The following CDH4 variants were observed in gnomAD, a reference collection of about 807,000 sequenced individuals.
CDH4 encodes the protein cadherin 4.
Under a neutral mutation model 86.0 loss-of-function variants are expected in CDH4, and 33 were observed. The ratio of observed to expected loss-of-function variants is 0.38; its 90% CI spans 0.29 to 0.51. The LOEUF is 0.51. CDH4 is among the 20% of genes least tolerant of loss of function. The probability of loss-of-function intolerance (pLI) is 0.86; values close to 1 mark genes in which losing one functional copy is unlikely to be tolerated. For synonymous variants in CDH4, 555 were observed against 549.4 expected, an observed-to-expected ratio of 1.01 and a Z score of -0.14; for missense variants, 1,114 against 1,307.4, an observed-to-expected ratio of 0.85 and a Z score of 2.28.
chr20:61,381,725 A>C lies in CDH4; in HGVS notation c.169+126788A>C, dbSNP rs1328467831. ...TCCCACCCCAATTTGGCCTTTGCATAATCTACTACCAGAGAAACACTTTGA... is the reference window on the plus strand; with the variant it reads ...TCCCACCCCAATTTGGCCTTTGCATCATCTACTACCAGAGAAACACTTTGA... On this transcript the variant is annotated intron_variant, in intron 2 of 15. Transcript: ENST00000614565. Among the ~76,000 whole-genome samples, 6 of 152,008 alleles carry C rather than the reference A, an allele frequency of 3.9e-5. No individual in the cohort carries two copies. The East Asian group carries it at 1.2e-3, about 29-fold the overall frequency.
intron 4 of CDH4, among the ~76,000 whole-genome samples, chr20:61,820,140 T>C (rs1206305496): frequency 6.6e-6 from 1 of 152,096 alleles, no homozygotes; most frequent in African/African-American, 2.4e-5. Flanking sequence ...CCCAAACCGG[T>C]TTTGCCCAGA....
chr20:61,444,644 C>T (rs556805092), intron 2 of CDH4, among the ~76,000 whole-genome samples: 62 of 74,338 alleles, frequency 8.3e-4, no homozygotes, highest in Non-Finnish European at 1.4e-3. Flanking sequence ...TGTGTTTCTG[C>T]GTGTGTGTTT....
chr20:61,570,353 C>T (rs2086332406), intron 2 of CDH4: 2 of 305,948 alleles, frequency 6.5e-6, no homozygotes, highest in Non-Finnish European at 1.2e-5. Flanking sequence ...AAGCCACTTC[C>T]CAGGCCAGAC....
At position 61,680,778 on chromosome 20, in the gene CDH4, C is replaced by T. The variant is rs1036801786; in HGVS notation, c.170-62785C>T. Reference sequence around the variant, plus strand: ...TCCGTCTCCCCGGGATGCAGGACCTCGGACAGCCTCAGCCAGTGCCCTGGA... The same window carrying T: ...TCCGTCTCCCCGGGATGCAGGACCTTGGACAGCCTCAGCCAGTGCCCTGGA... On this transcript the variant is annotated intron_variant, in intron 2 of 15. Coordinates refer to ENST00000614565, the MANE Select transcript of CDH4 (RefSeq NM_001794.5). 1.1e-4 allele frequency among the ~76,000 whole-genome samples: 16 copies of T among 152,170 alleles called. No homozygotes were observed. In the East Asian group the frequency reaches 2.5e-3, roughly 24 times the overall value.
At chr20:61,319,667 T>G (rs966664224) in intron 2 of CDH4, among the ~76,000 whole-genome samples, 3 of 151,998 alleles carry the variant, frequency 2.0e-5, no homozygotes, top group African/African-American at 7.3e-5. Context: ...AAGTTCTGGC[T>G]GGGCACAGTG....
At position 61,510,956 on chromosome 20, in the gene CDH4, A is replaced by C. The variant is rs1399386897; in HGVS notation, c.170-232607A>C. The stretch of plus-strand genomic sequence containing the variant: ...GAAAGCAGGAGTGAGAGAGAGAGAG[A>C]AAGTTGGGGGCGGCTGTCTCACACT... On this transcript the variant is annotated intron_variant, in intron 2 of 15. Coordinates refer to ENST00000614565, the MANE Select transcript of CDH4 (RefSeq NM_001794.5). The surrounding 1 kb of genome is among the most constrained non-coding windows in gnomAD (Gnocchi z 4.2). Among the ~76,000 whole-genome samples the C allele has an allele frequency of 6.6e-6, 1 of 151,748 alleles. No homozygotes were observed. The highest frequency in any genetic ancestry group is 2.0e-4 in the East Asian group (1 of 5,118).
chr20:61,747,762 A>G (rs1322270148), intron 3 of CDH4, among the ~76,000 whole-genome samples: 1 of 152,212 alleles, frequency 6.6e-6, no homozygotes, highest in Non-Finnish European at 1.5e-5. Flanking sequence ...AAGCAACCGT[A>G]AGAGATATTA....
chr20:61,794,526 C>T (rs1979421576), intron 4 of CDH4, among the ~76,000 whole-genome samples: 1 of 152,184 alleles, frequency 6.6e-6, no homozygotes, highest in South Asian at 2.1e-4. Flanking sequence ...AAAGGTGGCT[C>T]AGTGGGAAGA....
In CDH4 at chr20:61,318,280, C is replaced by T. The variant is rs6129099; in HGVS notation, c.169+63343C>T. 5.7e-3 allele frequency among the ~76,000 whole-genome samples: 872 copies of T among 152,302 alleles called. 5 individuals carry two copies. Among genetic ancestry groups the T allele is most frequent in the East Asian group, 0.036 (187 of 5,172 alleles). On this transcript the variant is annotated intron_variant, in intron 2 of 15. Coordinates refer to ENST00000614565, the MANE Select transcript of CDH4 (RefSeq NM_001794.5). Reference sequence around the variant, plus strand: ...CTGGAGTGAAGTTTCCCAACAGCCCCGGCTTTGCAGAAGACACCAGCCTGG... The same window carrying T: ...CTGGAGTGAAGTTTCCCAACAGCCCTGGCTTTGCAGAAGACACCAGCCTGG...
chr20:61,815,116 A>T (rs772270877), intron 4 of CDH4, among the ~76,000 whole-genome samples: 11 of 152,144 alleles, frequency 7.2e-5, no homozygotes, highest in Non-Finnish European at 1.5e-4. Context: ...TCCCTTTAAT[A>T]TGTTAAGCAC....
At chr20:61,343,851 A>G (rs1009533410) in intron 2 of CDH4, among the ~76,000 whole-genome samples, 1 of 152,204 alleles carries the variant, frequency 6.6e-6, no homozygotes, top group Admixed American at 6.5e-5. Flanking sequence ...TGTGCCTGTC[A>G]CAGCAAAGAC....
chr20:61,451,208 C>G (rs2085378415), intron 2 of CDH4, among the ~76,000 whole-genome samples: 1 of 149,590 alleles, frequency 6.7e-6, no homozygotes, highest in Non-Finnish European at 1.5e-5. Flanking sequence ...GAGAGCTGTG[C>G]CTGGTGCTGC....
chr20:61,507,808 T>G (rs1380496933), intron 2 of CDH4, among the ~76,000 whole-genome samples: 1 of 152,206 alleles, frequency 6.6e-6, no homozygotes, highest in Non-Finnish European at 1.5e-5. Flanking sequence ...TATTGGCACT[T>G]ATTCTAACAA....
rs553265798 is a variant in CDH4 at position 61,933,570 on chromosome 20, A to G, written c.2379+446A>G. ...GCCTTTCAGGGAATCGGGGCAAGTC[A>G]AGTCCTTAAACCCGTCTAAAGCTCA... is the stretch of plus-strand genomic sequence containing the variant. On this transcript the variant is annotated intron_variant, in intron 14 of 15. Coordinates refer to ENST00000614565, the MANE Select transcript of CDH4 (RefSeq NM_001794.5). Among the ~76,000 whole-genome samples the G allele has an allele frequency of 2.6e-5, 4 of 152,308 alleles. No homozygotes were observed. In the East Asian group the frequency reaches 7.7e-4, roughly 29 times the overall value.
chr20:61,632,410 C>A (rs1259446528), intron 2 of CDH4, among the ~76,000 whole-genome samples: 1 of 152,160 alleles, frequency 6.6e-6, no homozygotes, highest in Admixed American at 6.5e-5. Context: ...TTCCAACTCA[C>A]CACCCACAGG....
At position 61,807,035 on chromosome 20, in the gene CDH4, G is replaced by T. The variant is rs2146040337; in HGVS notation, c.576+33853G>T. Reference sequence around the variant, plus strand: ...CTACTACAAAGCCCTCTAATAATGGGTTGCTAAGAAACTGACACAGGAGAT... The same window carrying T: ...CTACTACAAAGCCCTCTAATAATGGTTTGCTAAGAAACTGACACAGGAGAT... On this transcript the variant is annotated intron_variant, in intron 4 of 15. Transcript: ENST00000614565. This position sits in a 1 kb window ranked among gnomAD's most constrained non-coding sequence, Gnocchi z 4.5. Among the ~76,000 whole-genome samples the T allele has an allele frequency of 6.6e-6, 1 of 152,318 alleles. No homozygotes were observed. Among genetic ancestry groups the T allele is most frequent in the East Asian group, 1.9e-4 (1 of 5,184 alleles).
chr20:61,390,721 C>T (rs2084980220), intron 2 of CDH4, among the ~76,000 whole-genome samples: 1 of 151,586 alleles, frequency 6.6e-6, no homozygotes, highest in South Asian at 2.1e-4. Flanking sequence ...TCTGGGAGAC[C>T]CCGATTGAGA....
At chr20:61,359,493 C>T (rs917028439) in intron 2 of CDH4, among the ~76,000 whole-genome samples, 1 of 152,198 alleles carries the variant, frequency 6.6e-6, no homozygotes, top group Non-Finnish European at 1.5e-5. Context: ...TCCTTCCCAC[C>T]ACCTCCACGC....
At position 61,936,835 on chromosome 20, in the gene CDH4, C is replaced by T; in HGVS notation, c.2643C>T (p.Ser881=). The T allele has an allele frequency of 6.2e-7, 1 of 1,610,540 alleles. No individual in the cohort carries two copies. The highest frequency in any genetic ancestry group is 8.5e-7 in the Non-Finnish European group (1 of 1,179,042). Residue 881 remains serine (S), a synonymous_variant, in exon 16 of 16, where the codon AGC becomes AGT. Coordinates refer to ENST00000614565, the MANE Select transcript of CDH4 (RefSeq NM_001794.5). ...GCGGCTCCACCGCAGGCTCCGTCAGCTCCCTGAACTCATCCAGTTCCGGGG... is the reference window on the plus strand; with the variant it reads ...GCGGCTCCACCGCAGGCTCCGTCAGTTCCCTGAACTCATCCAGTTCCGGGG... ...EGSGSTAGSV[S]SLNSSSSGDQ...
Sources: gnomAD v4.1 joint callset for allele counts (sites outside exome capture counted in the v4.1 genomes callset) on GRCh38, gnomAD v4.1.1 for gene constraint, Gnocchi (gnomAD v3.1) non-coding constraint, MANE v1.5 for transcripts, NCBI Gene and HGNC (gene_info 2026-07-23, HGNC 2026-07-21) for gene names.